The following ATE1 variants were observed in gnomAD, a reference collection of about 807,000 sequenced individuals.
ATE1 encodes arginyl-tRNA--protein transferase 1.
ATE1 carries 36 observed loss-of-function variants against 70.5 expected under a neutral mutation model. The observed-to-expected ratio is 0.51, with a 90% CI of 0.39 to 0.67. The LOEUF (loss-of-function observed/expected upper bound fraction) is 0.67. ATE1 is among the 30% of genes least tolerant of loss of function. The probability of loss-of-function intolerance (pLI) is 0.00; values close to 1 mark genes in which losing one functional copy is unlikely to be tolerated. For missense variants in ATE1, 593 were observed against 629.5 expected, an observed-to-expected ratio of 0.94 and a Z score of 0.62; for synonymous variants, 232 against 219.3, an observed-to-expected ratio of 1.06 and a Z score of -0.51.
intron 11 of ATE1, among the ~76,000 whole-genome samples, chr10:121,750,976 G>C (rs988019424): frequency 1.3e-5 from 2 of 152,178 alleles, no homozygotes; most frequent in African/African-American, 4.8e-5. Flanking sequence ...CTTTACGAGG[G>C]AGGGGACAGG....
chr10:121,858,476 A>G (rs1949330607), intron 8 of ATE1, among the ~76,000 whole-genome samples: 1 of 151,710 alleles, frequency 6.6e-6, no homozygotes, highest in African/African-American at 2.4e-5. Context: ...GGTTGGCTTC[A>G]CCATAACTTT....
At chr10:121,770,233 AACACACACACACACAC>A (rs3036837) in intron 11 of ATE1, among the ~76,000 whole-genome samples, 3 of 136,826 alleles carry the variant, frequency 2.2e-5, no homozygotes, top group African/African-American at 5.4e-5. Context: ...ACAAGAGAGA[AACACACACACACACAC>A]ACACACACAC....
chr10:121,914,508 G>A (rs1361491810), intron 3 of ATE1, among the ~76,000 whole-genome samples: 4 of 150,332 alleles, frequency 2.7e-5, no homozygotes, highest in Admixed American at 6.6e-5. Flanking sequence ...GGCCAACAGT[G>A]GAAAAAAAAA....
chr10:121,885,562 C>A (rs1199709857), intron 7 of ATE1, among the ~76,000 whole-genome samples: 2 of 65,098 alleles, frequency 3.1e-5, no homozygotes, highest in South Asian at 7.5e-4. Context: ...AGCAAGACTC[C>A]GTCTCAAAAA....
chr10:121,886,867 T>C (rs1208457507), intron 7 of ATE1, among the ~76,000 whole-genome samples: 1 of 152,196 alleles, frequency 6.6e-6, no homozygotes, highest in African/African-American at 2.4e-5. Flanking sequence ...TGTCTGGTCT[T>C]TGCCTAATTG....
intron 10 of ATE1, among the ~76,000 whole-genome samples, chr10:121,826,368 C>T (rs1948012804): frequency 6.6e-6 from 1 of 152,088 alleles, no homozygotes; most frequent in African/African-American, 2.4e-5. Context: ...TGCAGTGGCG[C>T]AATCTCGGCT....
chr10:121,831,561 C>A (rs1239203086), intron 10 of ATE1, among the ~76,000 whole-genome samples: 1 of 152,176 alleles, frequency 6.6e-6, no homozygotes, highest in Admixed American at 6.5e-5. Flanking sequence ...ACTTGACATC[C>A]ATTGGATTCC....
chr10:121,921,884 G>A (rs1490234509), intron 3 of ATE1, among the ~76,000 whole-genome samples: 1 of 152,128 alleles, frequency 6.6e-6, no homozygotes, highest in Non-Finnish European at 1.5e-5. Context: ...GTTTTAACCC[G>A]AGGTCTCTCT....
intron 3 of ATE1, among the ~76,000 whole-genome samples, chr10:121,921,769 T>A (rs1034743031): frequency 2.6e-5 from 4 of 152,174 alleles, no homozygotes; most frequent in Non-Finnish European, 5.9e-5. Flanking sequence ...TGCTTCAAGC[T>A]AGCCCACCCC....
At position 121,743,562 on chromosome 10, in the gene ATE1, CAAAAT is replaced by C. The variant is rs1020566103; in HGVS notation, c.*113_*117del. The C allele has an allele frequency of 7.2e-7, 1 of 1,381,874 alleles. No homozygotes were observed. The highest frequency in any genetic ancestry group is 1.5e-5 in the African/African-American group (1 of 68,628). The allele number at this position is 1,381,874 out of a possible 1,614,324, so 85.6% of individuals were successfully genotyped here. Reference sequence around the variant, plus strand: ...ATATTTTTTAAAAGCCATAGATAGTCAAAATAAAAAATGTCTAATTTGTGGGTGGT... The same window carrying C: ...ATATTTTTTAAAAGCCATAGATAGTCAAAAAATGTCTAATTTGTGGGTGGT... On this transcript the variant is annotated 3_prime_UTR_variant, in exon 12 of 12. Transcript: ENST00000224652.
intron 7 of ATE1, among the ~76,000 whole-genome samples, chr10:121,892,919 G>C (rs188537987): frequency 3.9e-5 from 6 of 152,328 alleles, no homozygotes; most frequent in Admixed American, 2.6e-4. Context: ...GAGCCCTCTA[G>C]GGCGTGACAT....
At chr10:121,849,420 T>C (rs990323616) in intron 8 of ATE1, among the ~76,000 whole-genome samples, 7 of 152,196 alleles carry the variant, frequency 4.6e-5, no homozygotes, top group African/African-American at 1.2e-4. Flanking sequence ...AGTTACTTCA[T>C]AGGTTTGTTC....
chr10:121,818,381 A>G (rs1176259549), intron 10 of ATE1, among the ~76,000 whole-genome samples: 1 of 152,172 alleles, frequency 6.6e-6, no homozygotes, highest in East Asian at 1.9e-4. Context: ...GTTCTGGCAA[A>G]AACATCAGCA....
In ATE1 at chr10:121,740,863, A is replaced by G. The variant is rs963095111; in HGVS notation, c.*2817T>C. 3 of 152,236 alleles carry G rather than the reference A, an allele frequency of 2.0e-5. No individual in the cohort carries two copies. The East Asian group carries it at 5.8e-4, about 29-fold the overall frequency. The allele number at this position is 152,236 out of a possible 1,614,324, so 9.4% of individuals were successfully genotyped here. A position where few individuals can be genotyped will look rare whatever the true frequency, so the allele number is the denominator to read the frequency against. ...AGTAATATTTATCTAAATAATTTTA[A>G]TCAAATGTACAACATATTTATCTGA... On this transcript the variant is annotated 3_prime_UTR_variant, in exon 12 of 12. Coordinates refer to ENST00000224652, the MANE Select transcript of ATE1 (RefSeq NM_001001976.3).
At chr10:121,802,218 A>G (rs1946910993) in intron 10 of ATE1, among the ~76,000 whole-genome samples, 1 of 152,056 alleles carries the variant, frequency 6.6e-6, no homozygotes, top group African/African-American at 2.4e-5. Flanking sequence ...ATTTGCTTTC[A>G]GTCTACTTTC....
chr10:121,904,261 C>G (rs1382156204), intron 5 of ATE1, among the ~76,000 whole-genome samples: 1 of 151,610 alleles, frequency 6.6e-6, no homozygotes, highest in Admixed American at 6.6e-5. Flanking sequence ...GGATTACGGG[C>G]GTGAGCCACC....
chr10:121,910,939 G>A lies in ATE1; in HGVS notation c.550C>T (p.His184Tyr), dbSNP rs529547938. The A allele has an allele frequency of 1.2e-6, 2 of 1,613,850 alleles. No homozygotes were observed. Among genetic ancestry groups the A allele is most frequent in the Admixed American group, 3.3e-5 (2 of 59,914 alleles). ...GGAACTGTGTGAACTTTAACTGAAT[G>A]TGACGGTTCACCAGAGCCCAACTTC... The part of the protein sequence containing the change: ...GEKLGSGEPS[H>Y]SVKVHTVPKP... Residue 184 changes from histidine (H) to tyrosine (Y), a missense_variant, in exon 5 of 12, where the codon CAT becomes TAT. Transcript: ENST00000224652.
chr10:121,892,115 T>C (rs983325683), intron 7 of ATE1, among the ~76,000 whole-genome samples: 2 of 152,232 alleles, frequency 1.3e-5, no homozygotes, highest in Non-Finnish European at 2.9e-5. Context: ...GCTTCAAGAC[T>C]GGGAAGCCAA....
chr10:121,759,564 A>G (rs2135772755), intron 11 of ATE1, among the ~76,000 whole-genome samples: 1 of 152,132 alleles, frequency 6.6e-6, no homozygotes, highest in Admixed American at 6.5e-5. Context: ...TCTACTAAAA[A>G]TACAAAAAAA....
Sources: gnomAD v4.1 joint callset for allele counts (sites outside exome capture counted in the v4.1 genomes callset) on GRCh38, gnomAD v4.1.1 for gene constraint, MANE v1.5 for transcripts, NCBI Gene and HGNC (gene_info 2026-07-23, HGNC 2026-07-21) for gene names.